SLCO4A1: variants seen among roughly 807,000 people sequenced by gnomAD.
The protein encoded by SLCO4A1 is colon organic anion transporter.
In SLCO4A1, 51 loss-of-function variants were observed where a neutral mutation model predicts 64.6. That is an observed-to-expected ratio of 0.79 (90% CI 0.63 to 1.00). The LOEUF (loss-of-function observed/expected upper bound fraction) is 1.00. Ranked by LOEUF, SLCO4A1 falls within the 50% of genes least tolerant of loss-of-function variation. The pLI is 0.00. For missense variants in SLCO4A1, 919 were observed against 980.5 expected, an observed-to-expected ratio of 0.94 and a Z score of 0.84; for synonymous variants, 471 against 444.9, an observed-to-expected ratio of 1.06 and a Z score of -0.74.
At chr20:62,681,848 A>T (rs1394275968) in intron 2 of SLCO4A1, among the ~76,000 whole-genome samples, 1 of 151,910 alleles carries the variant, frequency 6.6e-6, no homozygotes, top group Non-Finnish European at 1.5e-5. Flanking sequence ...TTTCTTTAAT[A>T]AATACAGGAC....
chr20:62,646,895 C>T (rs774855906), intron 1 of SLCO4A1, among the ~76,000 whole-genome samples: 29 of 152,244 alleles, frequency 1.9e-4, no homozygotes, highest in Admixed American at 7.8e-4. Context: ...ACACCCGTGG[C>T]TTCACCCGTC....
At chr20:62,673,212 T>G (rs1601687093), downstream of SLCO4A1, among the ~76,000 whole-genome samples, 3 of 138,126 alleles carry the variant, frequency 2.2e-5, no homozygotes, top group African/African-American at 2.6e-5. Context: ...GAGCAGGGGG[T>G]GCAGGGAGAA....
Position 62,668,126 on chromosome 20 carries a change from T to A in SLCO4A1, c.1753T>A (p.Phe585Ile), listed in dbSNP as rs573881284. Residue 585 changes from phenylalanine (F) to isoleucine (I), a missense_variant, in exon 9 of 12, where the codon TTC becomes ATC. Physicochemically the swap from Phe to Ile is conservative, Grantham distance 21 (BLOSUM62 0). Transcript: ENST00000217159. ...AAAGCCCCTCCTTCTGGTTTTCATA[T>A]TCGTTGTAATTTTCTTTACATTCCT... ...QRKPLLLVFI[F>I]VVIFFTFLSS... The A allele has an allele frequency of 2.5e-6, 4 of 1,614,034 alleles. No individual in the cohort carries two copies. The Admixed American group carries it at 5.0e-5, about 20-fold the overall frequency.
intron 1 of SLCO4A1, among the ~76,000 whole-genome samples, chr20:62,653,941 A>C (rs1983130942): frequency 1.3e-5 from 2 of 151,952 alleles, no homozygotes; most frequent in African/African-American, 4.8e-5. Flanking sequence ...CCTAATGTAA[A>C]TGATGAGTTA....
intron 5 of SLCO4A1, chr20:62,663,300 T>G (rs1229681578): frequency 6.6e-6 from 1 of 152,210 alleles, no homozygotes; most frequent in Non-Finnish European, 1.5e-5. Flanking sequence ...AACAAGAGCA[T>G]TTGAATGTTC....
At chr20:62,671,410 A>G (rs981772157) in intron 11 of SLCO4A1, among the ~76,000 whole-genome samples, 1 of 152,180 alleles carries the variant, frequency 6.6e-6, no homozygotes, top group Non-Finnish European at 1.5e-5. Flanking sequence ...TAGATCCAGG[A>G]TGGTCTCATC....
At chr20:62,663,459 T>C (rs1985449364) in intron 5 of SLCO4A1, 2 of 152,208 alleles carry the variant, frequency 1.3e-5, no homozygotes, top group Non-Finnish European at 2.9e-5. Flanking sequence ...GTCACTAAGC[T>C]GCAGACGCAG....
chr20:62,658,862 G>A (rs566906185), intron 3 of SLCO4A1, 95 bp downstream of exon 3: 19 of 1,118,062 alleles, frequency 1.7e-5, no homozygotes, highest in African/African-American at 9.3e-5. Context: ...GAGTCAGGCC[G>A]GGCGCGGCGC....
chr20:62,665,013 G>C lies in SLCO4A1; in HGVS notation c.1201G>C (p.Gly401Arg). Reference sequence around the variant, plus strand: ...GGCCACCGAGGCCACTCTCATCACCGGCATGTCCACGTTCAGCCCCAAGTT... The same window carrying C: ...GGCCACCGAGGCCACTCTCATCACCCGCATGTCCACGTTCAGCCCCAAGTT... ...AGATEATLIT[G>R]MSTFSPKFLE... The change falls in exon 6 of 12, where the codon GGC becomes CGC. Residue 401 changes from glycine to arginine, a missense_variant. By Grantham distance (125) the Gly-to-Arg change is moderately radical. Transcript: ENST00000217159. 1.2e-6 allele frequency: 2 copies of C among 1,613,842 alleles called. No individual in the cohort carries two copies. The highest frequency in any genetic ancestry group is 1.7e-6 in the Non-Finnish European group (2 of 1,179,916).
At chr20:62,664,653 C>T (rs964821960) in intron 5 of SLCO4A1, among the ~76,000 whole-genome samples, 2 of 152,198 alleles carry the variant, frequency 1.3e-5, no homozygotes, top group African/African-American at 2.4e-5. Context: ...AGCCTGGCGC[C>T]CCCTGGGTTT....
At chr20:62,690,451 G>A (rs1170367387), downstream of SLCO4A1, among the ~76,000 whole-genome samples, 6 of 152,214 alleles carry the variant, frequency 3.9e-5, no homozygotes, top group Non-Finnish European at 7.3e-5. Context: ...GGAGCTGCAT[G>A]CTCTCACTCC....
chr20:62,649,813 T>G (rs1982121161), intron 1 of SLCO4A1: 1 of 152,294 alleles, frequency 6.6e-6, no homozygotes, highest in Non-Finnish European at 1.5e-5. Context: ...AGCACCGGGG[T>G]TCACCTGCAT....
downstream of SLCO4A1, among the ~76,000 whole-genome samples, chr20:62,687,728 A>C (rs1355664858): frequency 6.6e-6 from 1 of 152,168 alleles, no homozygotes; most frequent in Non-Finnish European, 1.5e-5. Flanking sequence ...TGGACACGGA[A>C]GGACGACACC....
downstream of SLCO4A1, among the ~76,000 whole-genome samples, chr20:62,689,392 G>C (rs184389106): frequency 6.6e-6 from 1 of 152,146 alleles, no homozygotes; most frequent in Non-Finnish European, 1.5e-5. Flanking sequence ...CCATCACACC[G>C]GTGCTCGTGC....
intron 5 of SLCO4A1, 62 bp from the exon 6 acceptor site, chr20:62,664,872 C>A (rs1985793084): frequency 6.7e-7 from 1 of 1,497,656 alleles, no homozygotes; most frequent in African/African-American, 1.4e-5. Flanking sequence ...CTTCTCCACA[C>A]CCCGACCTCT....
chr20:62,681,054 A>G (rs940020132), intron 2 of SLCO4A1, among the ~76,000 whole-genome samples: 2 of 152,108 alleles, frequency 1.3e-5, no homozygotes, highest in South Asian at 2.1e-4. Flanking sequence ...CTGGGACTAT[A>G]GGCACAAGTC....
At chr20:62,655,439 T>G (rs946763538) in intron 1 of SLCO4A1, among the ~76,000 whole-genome samples, 1 of 152,152 alleles carries the variant, frequency 6.6e-6, no homozygotes, top group Non-Finnish European at 1.5e-5. Flanking sequence ...GGAAAGCCCT[T>G]AAGATGCAGA....
chr20:62,668,222 C>T, intron 9 of SLCO4A1, 38 bp downstream of exon 9: 1 of 1,607,558 alleles, frequency 6.2e-7, no homozygotes, highest in Non-Finnish European at 8.5e-7. Flanking sequence ...CCAGAGCTTT[C>T]CTTGCAGCAC....
Position 62,667,647 on chromosome 20 carries a change from G to A in SLCO4A1, c.1473-98G>A. 3 of 1,416,828 alleles carry A rather than the reference G, an allele frequency of 2.1e-6. No homozygotes were observed. The East Asian group carries it at 6.9e-5, about 33-fold the overall frequency. The allele number at this position is 1,416,828 out of a possible 1,614,324, so 87.8% of individuals were successfully genotyped here. ...GGCAAGTTTGTAGACCCGAAATGCA[G>A]GCTGCATGGGGACGAGCCCCATGGC... On this transcript the variant is annotated intron_variant, in intron 7 of 11. Transcript: ENST00000217159.
Sources: gnomAD v4.1 joint callset for allele counts (sites outside exome capture counted in the v4.1 genomes callset) on GRCh38, gnomAD v4.1.1 for gene constraint, MANE v1.5 for transcripts, NCBI Gene and HGNC (gene_info 2026-07-23, HGNC 2026-07-21) for gene names.